The following ZFAT variants were observed in gnomAD, a reference collection of about 807,000 sequenced individuals.
ZFAT encodes the protein zinc finger protein ZFAT.
In ZFAT, 64 loss-of-function variants were observed where a neutral mutation model predicts 117.7. The ratio of observed to expected loss-of-function variants is 0.54; its 90% CI spans 0.44 to 0.67. The LOEUF (loss-of-function observed/expected upper bound fraction) is 0.67, where lower values mean the gene tolerates loss of function less well. ZFAT is among the 30% of genes least tolerant of loss of function. The pLI, the probability that ZFAT is intolerant of heterozygous loss-of-function variation, is 0.00. For missense variants in ZFAT, 1,433 were observed against 1,584.5 expected (o/e 0.90, Z 1.62); for synonymous variants, 679 against 615.0 (o/e 1.10, Z -1.54).
At chr8:134,589,834 A>G (rs1345985373) in intron 8 of ZFAT, among the ~76,000 whole-genome samples, 1 of 152,244 alleles carries the variant, frequency 6.6e-6, no homozygotes, top group Non-Finnish European at 1.5e-5. Flanking sequence ...CTGGTGCCTC[A>G]TGCACCTGAG....
chr8:134,488,126 G>T (rs1817784080), intron 15 of ZFAT, among the ~76,000 whole-genome samples: 1 of 152,264 alleles, frequency 6.6e-6, no homozygotes, highest in Admixed American at 6.5e-5. Flanking sequence ...GTCTAGGGAA[G>T]AGTGGAGGTC....
At chr8:134,713,177 C>T (rs1814097012), upstream of ZFAT, 1 of 275,902 alleles carries the variant, frequency 3.6e-6, no homozygotes, top group African/African-American at 2.2e-5. Context: ...TTTTATCCCA[C>T]TTCACGGATT....
chr8:134,817,392 TCTACAC>T, the ZFAT span, among the ~76,000 whole-genome samples: 3 of 101,840 alleles, frequency 2.9e-5, no homozygotes, highest in African/African-American at 7.1e-5. Context: ...TCTCTCTCTC[TCTACAC>T]ACACACACAC....
chr8:134,641,075 T>G (rs1360417303), intron 2 of ZFAT, among the ~76,000 whole-genome samples: 1 of 152,078 alleles, frequency 6.6e-6, no homozygotes, highest in Non-Finnish European at 1.5e-5. Context: ...GTGTCCAGAT[T>G]CCAGCCTCCT....
Position 134,679,794 on chromosome 8 carries a change from C to T in ZFAT, c.20-22057G>A, listed in dbSNP as rs374090884. 5.3e-4 allele frequency among the ~76,000 whole-genome samples: 81 copies of T among 152,174 alleles called. No homozygotes were observed. The East Asian group carries it at 0.01, about 19-fold the overall frequency. ...TGAGTTCATGTCCTTTGCAGGGACA[C>T]GGATGAAGCTGGAAACCATCATTCT... On this transcript the variant is annotated intron_variant, in intron 1 of 15. Coordinates refer to ENST00000377838, the MANE Select transcript of ZFAT (RefSeq NM_020863.4).
intron 1 of ZFAT, among the ~76,000 whole-genome samples, chr8:134,672,433 G>A (rs1248629361): frequency 6.6e-6 from 1 of 152,160 alleles, no homozygotes; most frequent in African/African-American, 2.4e-5. Flanking sequence ...TGGAAGGATA[G>A]CATTAGGAGA....
intron 1 of ZFAT, among the ~76,000 whole-genome samples, chr8:134,668,993 A>G (rs1832407599): frequency 6.6e-6 from 1 of 152,250 alleles, no homozygotes; most frequent in African/African-American, 2.4e-5. Flanking sequence ...ACTGGAAGAA[A>G]GAGTATCAGT....
rs1239824223 is a variant in ZFAT, at chr8:134,601,603, G to A, written c.2116C>T (p.Pro706Ser). 3 of 1,614,088 alleles carry A rather than the reference G, an allele frequency of 1.9e-6. No homozygotes were observed. The highest frequency in any genetic ancestry group is 1.1e-5 in the South Asian group (1 of 91,082). The change falls in exon 6 of 16, where the codon CCT becomes TCT. Residue 706 changes from proline (P) to serine (S), a missense_variant. By Grantham distance (74) the Pro-to-Ser change is moderately conservative. This residue lies in a region of ZFAT where 372 missense variants were observed against 355.6 expected (regional missense o/e 1.05). Coordinates refer to ENST00000377838, the MANE Select transcript of ZFAT (RefSeq NM_020863.4). Reference sequence around the variant, plus strand: ...GCGGTGATGCCTGACCGGTGCTCAGGGGCAGCTTTGCAAGAGTCAGGCTGA... The same window carrying A: ...GCGGTGATGCCTGACCGGTGCTCAGAGGCAGCTTTGCAAGAGTCAGGCTGA... Reference protein sequence around the residue: ...THQPDSCKAAPEHRSGITAFM... With the variant: ...THQPDSCKAASEHRSGITAFM...
At chr8:134,815,407 C>T in the ZFAT span, among the ~76,000 whole-genome samples, 2 of 152,090 alleles carry the variant, frequency 1.3e-5, no homozygotes, top group Non-Finnish European at 2.9e-5. Context: ...TGTTTCTTGG[C>T]CAACTAGAAA....
the ZFAT span, among the ~76,000 whole-genome samples, chr8:134,745,120 T>C: frequency 6.6e-6 from 1 of 152,168 alleles, no homozygotes; most frequent in African/African-American, 2.4e-5. Context: ...GGTACATCAA[T>C]TATATCTGCA....
chr8:134,669,835 AG>A (rs1394573380), intron 1 of ZFAT, among the ~76,000 whole-genome samples: 2 of 152,248 alleles, frequency 1.3e-5, no homozygotes, highest in Non-Finnish European at 2.9e-5. Context: ...AAGACCCATC[AG>A]TGTGCTGTAT....
At chr8:134,670,238 T>C (rs531752130) in intron 1 of ZFAT, among the ~76,000 whole-genome samples, 53 of 152,342 alleles carry the variant, frequency 3.5e-4, no homozygotes, top group African/African-American at 1.3e-3. Flanking sequence ...AACTCAGCTC[T>C]GCACCAAGTG....
intron 10 of ZFAT, among the ~76,000 whole-genome samples, chr8:134,577,873 G>A (rs1825423206): frequency 6.6e-6 from 1 of 152,160 alleles, no homozygotes; most frequent in Non-Finnish European, 1.5e-5. Context: ...ACTATATAAT[G>A]CACTAGAGAA....
intron 1 of ZFAT, among the ~76,000 whole-genome samples, chr8:134,680,278 A>AG (rs1383895254): frequency 2.0e-5 from 3 of 151,646 alleles, no homozygotes; most frequent in African/African-American, 7.3e-5. Context: ...AAAAAAAAAA[A>AG]AAAGAATTTG....
chr8:134,748,006 A>ATCAGAAATATCTGGGGTT, the ZFAT span, among the ~76,000 whole-genome samples: 1 of 152,236 alleles, frequency 6.6e-6, no homozygotes, highest in Admixed American at 6.5e-5. Context: ...TGTCCATAAT[A>ATCAGAAATATCTGGGGTT]TCAGAAATAT....
At chr8:134,658,250 T>C (rs984788677) in intron 1 of ZFAT, among the ~76,000 whole-genome samples, 3 of 148,474 alleles carry the variant, frequency 2.0e-5, no homozygotes, top group Non-Finnish European at 3.0e-5. Flanking sequence ...GGCAGGAGGA[T>C]GGCGTGAACC....
the ZFAT span, among the ~76,000 whole-genome samples, chr8:134,725,476 A>G: frequency 6.6e-6 from 1 of 152,128 alleles, no homozygotes; most frequent in Non-Finnish European, 1.5e-5. Flanking sequence ...TAGGAGCAAG[A>G]GAGGGACGGG....
intron 15 of ZFAT, among the ~76,000 whole-genome samples, chr8:134,480,197 A>G (rs1817199069): frequency 6.6e-6 from 1 of 152,198 alleles, no homozygotes. Flanking sequence ...CCTGAGCTCA[A>G]GTGATCCACC....
intron 11 of ZFAT, among the ~76,000 whole-genome samples, chr8:134,564,090 G>A (rs1322976164): frequency 2.0e-5 from 3 of 151,516 alleles, no homozygotes; most frequent in South Asian, 4.1e-4. Context: ...AGGAGACAGA[G>A]GTTGCAGTGA....
Sources: allele counts gnomAD v4.1 joint callset (sites outside exome capture counted in the v4.1 genomes callset), GRCh38; gene constraint gnomAD v4.1.1; regional missense constraint gnomAD v4.1.1; transcripts MANE v1.5; gene names NCBI Gene and HGNC (gene_info 2026-07-23, HGNC 2026-07-21).